Variants in OSCP1 observed in about 807,000 individuals in gnomAD.
OSCP1 encodes the protein protein OSCP1.
In OSCP1, 35 loss-of-function variants were observed where a neutral mutation model predicts 45.1. That is an observed-to-expected ratio of 0.78 (90% CI 0.59 to 1.03). The LOEUF (loss-of-function observed/expected upper bound fraction) is 1.03. Among genes scored for constraint, OSCP1 ranks in the 50% least tolerant of loss-of-function variants. The pLI is 0.00. For synonymous variants in OSCP1, 179 were observed against 180.1 expected (o/e 0.99, Z 0.05); for missense variants, 400 against 470.7 (o/e 0.85, Z 1.39).
chr1:36,434,033 G>A (rs1648547972), intron 2 of OSCP1, among the ~76,000 whole-genome samples: 2 of 152,154 alleles, frequency 1.3e-5, no homozygotes, highest in South Asian at 4.1e-4. Flanking sequence ...GATGATCAGG[G>A]TTGTCCAGAA....
rs755959005 is a variant in OSCP1, at chr1:36,423,802, A to G, written c.517-336T>C. Among the ~76,000 whole-genome samples, 9 of 152,232 alleles carry G rather than the reference A, an allele frequency of 5.9e-5. No homozygotes were observed. The South Asian group carries it at 1.0e-3, about 18-fold the overall frequency. ...GGCAGGAGAATTGCTTGAACCTGGA[A>G]GGCAGAGGTTGCAGTGAGCCAAGAT... On this transcript the variant is annotated intron_variant, in intron 4 of 9. Transcript: ENST00000235532.
At chr1:36,431,938 G>A (rs139094137) in intron 3 of OSCP1, 56 bp from the exon 4 acceptor site, 123 of 1,516,236 alleles carry the variant, frequency 8.1e-5, no homozygotes, top group Non-Finnish European at 1.0e-4. Context: ...TGAGTAGTAC[G>A]CACCGGCAGG....
rs377270500 is a variant in OSCP1, at chr1:36,428,313, T to A, written c.516+3489A>T. The A allele has an allele frequency of 3.5e-5, 57 of 1,610,966 alleles. No homozygotes were observed. The African/African-American group carries it at 7.1e-4, about 20-fold the overall frequency. The stretch of plus-strand genomic sequence containing the variant: ...AATACATTGCATTTCTTCCCCTTTT[T>A]AAAATTTTATTTTGCCCAGGTACAA... On this transcript the variant is annotated intron_variant, in intron 4 of 9. Transcript: ENST00000235532.
intron 2 of OSCP1, among the ~76,000 whole-genome samples, chr1:36,433,434 G>C (rs1648507379): frequency 6.6e-6 from 1 of 151,608 alleles, no homozygotes; most frequent in South Asian, 2.1e-4. Flanking sequence ...AGGTAATAAA[G>C]CTGGGTAAGT....
In OSCP1 at chr1:36,432,444, T is replaced by C. The variant is rs1457418004; in HGVS notation, c.413A>G (p.Glu138Gly). The C allele has an allele frequency of 6.2e-7, 1 of 1,614,026 alleles. No individual in the cohort carries two copies. The highest frequency in any genetic ancestry group is 8.5e-7 in the Non-Finnish European group (1 of 1,180,018). The stretch of plus-strand genomic sequence containing the variant: ...TACTTCTGTCAGCTGCCGCAAAGTC[T>C]CGTCCACTTGCTGCAGGATGGTTGG... Reference protein sequence around the residue: ...DSPTILQQVDETLRQLTEIYG... With the variant: ...DSPTILQQVDGTLRQLTEIYG... Residue 138 changes from glutamate to glycine, a missense_variant, in exon 3 of 10, where the codon GAG becomes GGG. By Grantham distance (98) the Glu-to-Gly change is moderately conservative. Transcript: ENST00000235532.
intron 2 of OSCP1, among the ~76,000 whole-genome samples, chr1:36,434,107 G>T (rs550687596): frequency 6.6e-6 from 1 of 152,136 alleles, no homozygotes; most frequent in African/African-American, 2.4e-5. Context: ...AGGAAAAGAC[G>T]TCTGAGGGAT....
chr1:36,428,411 A>G, intron 4 of OSCP1: 1 of 1,613,828 alleles, frequency 6.2e-7, no homozygotes, highest in Non-Finnish European at 8.5e-7. Flanking sequence ...ATAGTTCCCC[A>G]CTCCTGGAAG....
chr1:36,448,848 C>T (rs558006782), intron 1 of OSCP1, among the ~76,000 whole-genome samples: 3 of 152,286 alleles, frequency 2.0e-5, no homozygotes, highest in African/African-American at 4.8e-5. Context: ...AGGAAGGGCC[C>T]TGAAATGGCC....
At chr1:36,431,722 T>G in intron 4 of OSCP1, 80 bp downstream of exon 4, 1 of 1,379,292 alleles carries the variant, frequency 7.3e-7, no homozygotes, top group South Asian at 1.3e-5. Context: ...ATCTCCGTCC[T>G]TGTTTGCCCT....
At chr1:36,436,944 T>C (rs909698027) in intron 2 of OSCP1, among the ~76,000 whole-genome samples, 12 of 152,170 alleles carry the variant, frequency 7.9e-5, no homozygotes, top group African/African-American at 2.7e-4. Flanking sequence ...GTTTTTCTTA[T>C]GGTTAGCCTG....
At chr1:36,444,843 C>G (rs139714627) in intron 1 of OSCP1, among the ~76,000 whole-genome samples, 2,474 of 152,252 alleles carry the variant, frequency 0.016, 26 homozygotes, top group Middle Eastern at 0.044. Context: ...ATCATAATAG[C>G]ACCTATCTTA....
chr1:36,443,159 T>C (rs1649303245), intron 1 of OSCP1, among the ~76,000 whole-genome samples: 1 of 152,138 alleles, frequency 6.6e-6, no homozygotes, highest in Non-Finnish European at 1.5e-5. Context: ...AGACAGGGTT[T>C]CACCATGTTG....
At position 36,450,250 on chromosome 1, in the gene OSCP1, C is replaced by T. The variant is rs781753637; in HGVS notation, c.112+8G>A. ...CGGGTCTGGCTGAGCGGGCCGGGGG[C>T]CTCTCACCTTTGCGGGCCTTGTCTC... On this transcript the variant is annotated splice_region_variant and intron_variant, in intron 1 of 9. Transcript: ENST00000235532. 2 of 1,609,730 alleles carry T rather than the reference C, an allele frequency of 1.2e-6. No individual in the cohort carries two copies. The highest frequency in any genetic ancestry group is 1.3e-5 in the African/African-American group (1 of 74,532).
At chr1:36,432,040 C>T (rs770521028) in intron 3 of OSCP1, among the ~76,000 whole-genome samples, 158 bp from the exon 4 acceptor site, 1 of 152,018 alleles carries the variant, frequency 6.6e-6, no homozygotes, top group African/African-American at 2.4e-5. Context: ...GCAGTGCTGC[C>T]TCTCCACGGT....
chr1:36,430,156 C>T (rs768972233), intron 4 of OSCP1, among the ~76,000 whole-genome samples: 16 of 152,034 alleles, frequency 1.1e-4, no homozygotes, highest in Non-Finnish European at 2.1e-4. Flanking sequence ...GATCCTCCTA[C>T]CTCAGCCTCC....
chr1:36,449,751 C>A (rs1236750049), intron 1 of OSCP1, among the ~76,000 whole-genome samples: 1 of 136,320 alleles, frequency 7.3e-6, no homozygotes, highest in Non-Finnish European at 1.5e-5. Flanking sequence ...GCACGAGAAT[C>A]GCTGGAACCC....
intron 8 of OSCP1, 59 bp downstream of exon 8, chr1:36,420,417 G>T: frequency 1.3e-6 from 2 of 1,559,986 alleles, no homozygotes. Flanking sequence ...TAGTCATTTT[G>T]TGTTCTTGTC....
At chr1:36,433,079 GT>G (rs1333756778) in intron 2 of OSCP1, among the ~76,000 whole-genome samples, 14 of 152,198 alleles carry the variant, frequency 9.2e-5, no homozygotes, top group Non-Finnish European at 1.9e-4. Flanking sequence ...GGCAATATGT[GT>G]GCAAGTGGCA....
At chr1:36,435,252 G>A (rs1204737371) in intron 2 of OSCP1, among the ~76,000 whole-genome samples, 2 of 151,508 alleles carry the variant, frequency 1.3e-5, no homozygotes, top group Non-Finnish European at 2.9e-5. Flanking sequence ...GTGCCACTGT[G>A]TGACCAGCTA....
Sources: allele counts gnomAD v4.1 joint callset (sites outside exome capture counted in the v4.1 genomes callset), GRCh38; gene constraint gnomAD v4.1.1; transcripts MANE v1.5; gene names NCBI Gene and HGNC (gene_info 2026-07-23, HGNC 2026-07-21).